The following KCNS3 variants were observed in gnomAD, a reference collection of about 807,000 sequenced individuals.
KCNS3 encodes potassium voltage-gated channel modifier subfamily S member 3.
Under a neutral mutation model 31.0 loss-of-function variants are expected in KCNS3, and 13 were observed. The observed-to-expected ratio is 0.42, with a 90% CI of 0.27 to 0.67. KCNS3 has a LOEUF of 0.67. Ranked by LOEUF, KCNS3 falls within the 30% of genes least tolerant of loss-of-function variation. The pLI, the probability that KCNS3 is intolerant of heterozygous loss-of-function variation, is 0.25. For synonymous variants in KCNS3, 238 were observed against 241.5 expected (o/e 0.99, Z 0.13); for missense variants, 545 against 622.4 (o/e 0.88, Z 1.32).
At chr2:17,928,766 C>T (rs1662891516) in intron 2 of KCNS3, among the ~76,000 whole-genome samples, 1 of 152,024 alleles carries the variant, frequency 6.6e-6, no homozygotes, top group Non-Finnish European at 1.5e-5. Flanking sequence ...CTTTCTGCTC[C>T]CTTTAATGGT....
intron 1 of KCNS3, among the ~76,000 whole-genome samples, chr2:17,897,737 TTTGA>T (rs1413124139): frequency 6.6e-6 from 1 of 152,332 alleles, no homozygotes; most frequent in East Asian, 1.9e-4. Flanking sequence ...CTGTTTACTC[TTTGA>T]TTGTTTCTTT....
chr2:17,879,152 G>C (rs961262159), intron 1 of KCNS3, among the ~76,000 whole-genome samples: 5 of 152,226 alleles, frequency 3.3e-5, no homozygotes, highest in South Asian at 4.1e-4. Flanking sequence ...GCTATGGTCA[G>C]GGGGAGGACC....
At chr2:17,881,790 C>T (rs1674649243) in intron 1 of KCNS3, among the ~76,000 whole-genome samples, 1 of 152,054 alleles carries the variant, frequency 6.6e-6, no homozygotes, top group Admixed American at 6.6e-5. Context: ...TGAACAGTGA[C>T]AGAGGGGGCT....
At chr2:17,907,209 T>G (rs951684139) in intron 1 of KCNS3, among the ~76,000 whole-genome samples, 1 of 152,362 alleles carries the variant, frequency 6.6e-6, no homozygotes, top group Admixed American at 6.5e-5. Flanking sequence ...TTTACCATTA[T>G]GTAATGGCCT....
At chr2:17,924,137 GT>G (rs1391733536) in intron 2 of KCNS3, among the ~76,000 whole-genome samples, 1 of 149,550 alleles carries the variant, frequency 6.7e-6, no homozygotes, top group Non-Finnish European at 1.5e-5. Flanking sequence ...AAATATAATT[GT>G]TTTCTTAATT....
intron 1 of KCNS3, among the ~76,000 whole-genome samples, chr2:17,903,420 G>A (rs1200131390): frequency 2.6e-5 from 4 of 151,744 alleles, no homozygotes; most frequent in African/African-American, 7.3e-5. Context: ...AGCAAGGAAG[G>A]GGGTTGAAGT....
chr2:17,894,224 T>C (rs772194837), intron 1 of KCNS3, among the ~76,000 whole-genome samples: 10 of 152,002 alleles, frequency 6.6e-5, no homozygotes, highest in Admixed American at 2.0e-4. Flanking sequence ...AAAGCAGATA[T>C]AAGCCCTAAT....
intron 1 of KCNS3, among the ~76,000 whole-genome samples, chr2:17,886,508 A>G (rs1334099512): frequency 6.6e-6 from 1 of 152,156 alleles, no homozygotes; most frequent in African/African-American, 2.4e-5. Context: ...GAGGCCACTG[A>G]TGTAAGACCC....
chr2:17,909,927 G>T (rs1302006351), intron 1 of KCNS3, among the ~76,000 whole-genome samples: 1 of 152,196 alleles, frequency 6.6e-6, no homozygotes, highest in Non-Finnish European at 1.5e-5. Context: ...CTGGAGGGTT[G>T]AACATAGGAG....
At chr2:17,880,498 G>A (rs990954309) in intron 1 of KCNS3, among the ~76,000 whole-genome samples, 3 of 152,180 alleles carry the variant, frequency 2.0e-5, no homozygotes, top group African/African-American at 7.2e-5. Flanking sequence ...ATTGGGATCC[G>A]GAGAAGGTCA....
chr2:17,910,776 A>T (rs536031085), intron 1 of KCNS3, among the ~76,000 whole-genome samples: 1 of 152,200 alleles, frequency 6.6e-6, no homozygotes, highest in South Asian at 2.1e-4. Flanking sequence ...GGCCACAGGC[A>T]ATCAATCCAT....
At chr2:17,918,049 A>G (rs1662631111) in intron 2 of KCNS3, among the ~76,000 whole-genome samples, 178 bp downstream of exon 2, 1 of 152,220 alleles carries the variant, frequency 6.6e-6, no homozygotes. Flanking sequence ...AAAGGATTAG[A>G]TTGGAGTTAT....
intron 1 of KCNS3, among the ~76,000 whole-genome samples, chr2:17,907,720 G>A (rs1419816006): frequency 1.3e-5 from 2 of 152,064 alleles, no homozygotes; most frequent in African/African-American, 4.8e-5. Flanking sequence ...CGCTTAAGAA[G>A]CTTAGTTTGG....
chr2:17,882,106 G>A (rs1339718250), intron 1 of KCNS3, among the ~76,000 whole-genome samples: 1 of 152,202 alleles, frequency 6.6e-6, no homozygotes, highest in Non-Finnish European at 1.5e-5. Flanking sequence ...CTTATTGTAT[G>A]GGTGCTAAGT....
At chr2:17,900,814 C>T (rs1475614940) in intron 1 of KCNS3, among the ~76,000 whole-genome samples, 1 of 152,014 alleles carries the variant, frequency 6.6e-6, no homozygotes, top group Admixed American at 6.6e-5. Context: ...CTTTATTGTT[C>T]TAGAGTTTCA....
intron 1 of KCNS3, among the ~76,000 whole-genome samples, chr2:17,914,265 G>T (rs185167195): frequency 6.6e-6 from 1 of 152,184 alleles, no homozygotes; most frequent in Non-Finnish European, 1.5e-5. Context: ...TGTGTTGGCC[G>T]CATAGCTCGT....
chr2:17,889,543 A>G (rs1380614555), intron 1 of KCNS3, among the ~76,000 whole-genome samples: 1 of 152,076 alleles, frequency 6.6e-6, no homozygotes, highest in Non-Finnish European at 1.5e-5. Flanking sequence ...TTCCCCATTC[A>G]GTATTATGTT....
chr2:17,927,201 A>G (rs759618060), intron 2 of KCNS3, among the ~76,000 whole-genome samples: 5 of 152,146 alleles, frequency 3.3e-5, no homozygotes, highest in Non-Finnish European at 5.9e-5. Flanking sequence ...CCAGGTCCCA[A>G]TCAGTTTTTC....
At chr2:17,909,094 A>G (rs1234007046) in intron 1 of KCNS3, among the ~76,000 whole-genome samples, 1 of 152,202 alleles carries the variant, frequency 6.6e-6, no homozygotes, top group South Asian at 2.1e-4. Flanking sequence ...CTTGAGCTGC[A>G]GTGGGCTCCA....
Sources: allele counts gnomAD v4.1 joint callset (sites outside exome capture counted in the v4.1 genomes callset), GRCh38; gene constraint gnomAD v4.1.1; transcripts MANE v1.5; gene names NCBI Gene and HGNC (gene_info 2026-07-23, HGNC 2026-07-21).